The following CSDE1 variants were observed in gnomAD, a reference collection of about 807,000 sequenced individuals.
The protein encoded by CSDE1 is cold shock domain containing E1, also known as cold shock domain-containing protein E1.
Under a neutral mutation model 89.3 loss-of-function variants are expected in CSDE1, and 17 were observed. The ratio of observed to expected loss-of-function variants is 0.19; its 90% CI spans 0.13 to 0.29. The LOEUF (loss-of-function observed/expected upper bound fraction) is 0.29. Among genes scored for constraint, CSDE1 ranks in the 10% least tolerant of loss-of-function variants. The pLI is 1.00. For synonymous variants in CSDE1, 322 were observed against 332.8 expected (o/e 0.97, Z 0.35); for missense variants, 672 against 984.2 (o/e 0.68, Z 4.24).
intron 6 of CSDE1, among the ~76,000 whole-genome samples, chr1:114,736,348 T>C (rs746761140): frequency 3.3e-5 from 5 of 152,164 alleles, no homozygotes; most frequent in Admixed American, 2.6e-4. Flanking sequence ...GATTCCTACA[T>C]AGAAGAATGC....
Position 114,725,260 on chromosome 1 carries a change from T to A in CSDE1, c.1714A>T (p.Asn572Tyr), listed in dbSNP as rs911632571. ...TTCACTTTTTCTGCACTGACTTTGTTGCCTTTGCCTTTGGACAAGCTATAC... is the reference window on the plus strand; with the variant it reads ...TTCACTTTTTCTGCACTGACTTTGTAGCCTTTGCCTTTGGACAAGCTATAC... ...VEYSLSKGKG[N>Y]KVSAEKVNKT... Residue 572 changes from asparagine (N) to tyrosine (Y), a missense_variant, in exon 15 of 20, where the codon AAC (asparagine) becomes TAC (tyrosine). Asn to Tyr is a moderately radical substitution (Grantham distance 143). This residue lies in a region of CSDE1 where 206 missense variants were observed against 332.4 expected (regional missense o/e 0.62). Coordinates refer to ENST00000358528, the MANE Select transcript of CSDE1 (RefSeq NM_001007553.3). 3.7e-6 allele frequency: 6 copies of A among 1,614,098 alleles called. No homozygotes were observed. The African/African-American group carries it at 8.0e-5, about 22-fold the overall frequency.
intron 1 of CSDE1, among the ~76,000 whole-genome samples, chr1:114,754,898 A>G (rs1396954548): frequency 6.6e-6 from 1 of 152,222 alleles, no homozygotes; most frequent in Non-Finnish European, 1.5e-5. Flanking sequence ...AGCAGGACAA[A>G]TGGCAGTGTG....
intron 8 of CSDE1, 49 bp downstream of exon 8, chr1:114,733,940 C>T: frequency 1.9e-6 from 3 of 1,607,034 alleles, no homozygotes; most frequent in Non-Finnish European, 2.5e-6. Context: ...AAAACATAAA[C>T]CAACTCTGAT....
chr1:114,725,785 A>AC (rs1659758216), intron 14 of CSDE1, among the ~76,000 whole-genome samples: 1 of 152,236 alleles, frequency 6.6e-6, no homozygotes, highest in African/African-American at 2.4e-5. Flanking sequence ...ACAGGTATGC[A>AC]CCACCATGTC....
rs1214571899 is a variant in CSDE1 at position 114,734,124 on chromosome 1, C to T, written c.583-7G>A. On this transcript the variant is annotated splice_polypyrimidine_tract_variant and splice_region_variant and intron_variant, in intron 7 of 19. Coordinates refer to ENST00000358528, the MANE Select transcript of CSDE1 (RefSeq NM_001007553.3). ...CAATAAAGCCAAATGCCTCCTGAAG[C>T]AAAATAAAAAACCAAGAACATTATT... The T allele has an allele frequency of 6.3e-7, 1 of 1,599,914 alleles. No homozygotes were observed. Among genetic ancestry groups the T allele is most frequent in the Non-Finnish European group, 8.5e-7 (1 of 1,176,828 alleles).
At chr1:114,720,052 T>C (rs189056231) in intron 17 of CSDE1, among the ~76,000 whole-genome samples, 104 of 152,356 alleles carry the variant, frequency 6.8e-4, no homozygotes, top group African/African-American at 2.5e-3. Context: ...GGATCCCCTC[T>C]AGAATTAAGC....
At chr1:114,720,505 G>A in intron 17 of CSDE1, 34 bp downstream of exon 17, 1 of 1,567,324 alleles carries the variant, frequency 6.4e-7, no homozygotes, top group South Asian at 1.2e-5. Context: ...CTCATAGAAG[G>A]ATCAAATTCA....
intron 2 of CSDE1, among the ~76,000 whole-genome samples, 184 bp downstream of exon 2, chr1:114,749,637 G>A (rs1173285678): frequency 6.6e-6 from 1 of 152,184 alleles, no homozygotes; most frequent in African/African-American, 2.4e-5. Context: ...TATGAAAAAT[G>A]TTTGACCATA....
At chr1:114,734,291 C>T in intron 7 of CSDE1, 151 bp downstream of exon 7, 2 of 1,047,106 alleles carry the variant, frequency 1.9e-6, no homozygotes, top group Middle Eastern at 2.4e-4. Flanking sequence ...TATTAGCAAC[C>T]AAGGAATTTT....
chr1:114,734,753 T>G (rs1660300248), intron 6 of CSDE1, among the ~76,000 whole-genome samples: 1 of 152,222 alleles, frequency 6.6e-6, no homozygotes, highest in Non-Finnish European at 1.5e-5. Context: ...TAGGTCATCT[T>G]TCTCTGGGAC....
At chr1:114,728,263 ATG>A (rs1246230548) in intron 12 of CSDE1, among the ~76,000 whole-genome samples, 1 of 152,198 alleles carries the variant, frequency 6.6e-6, no homozygotes, top group Admixed American at 6.5e-5. Context: ...GTTAAGAACA[ATG>A]TCAGTGAACT....
chr1:114,741,057 C>T (rs540072045), intron 2 of CSDE1, among the ~76,000 whole-genome samples: 55 of 152,338 alleles, frequency 3.6e-4, no homozygotes, highest in African/African-American at 1.3e-3. Flanking sequence ...TTCTTCTACA[C>T]TAGCCACTGT....
intron 8 of CSDE1, 35 bp from the exon 9 acceptor site, chr1:114,733,892 A>G: frequency 6.2e-7 from 1 of 1,609,892 alleles, no homozygotes; most frequent in South Asian, 1.1e-5. Context: ...GTGGGGGGAC[A>G]GAGGAAGGAA....
intron 2 of CSDE1, among the ~76,000 whole-genome samples, chr1:114,749,245 T>C (rs572644829): frequency 7.1e-4 from 108 of 152,330 alleles, no homozygotes; most frequent in Middle Eastern, 3.4e-3. Flanking sequence ...TAGCCTATAT[T>C]GTGATATTGT....
chr1:114,729,255 T>A (rs762910363), intron 12 of CSDE1, among the ~76,000 whole-genome samples: 18 of 151,862 alleles, frequency 1.2e-4, no homozygotes, highest in Non-Finnish European at 2.5e-4. Flanking sequence ...CCCACTACTA[T>A]GCCCGGCTAA....
rs375197857 is a variant in CSDE1 at position 114,727,148 on chromosome 1, A to G, written c.1357-58T>C. 29 of 1,184,960 alleles carry G rather than the reference A, an allele frequency of 2.4e-5. No individual in the cohort carries two copies. In the African/African-American group the frequency reaches 3.8e-4, roughly 15 times the overall value. 73.4% of individuals were successfully genotyped at this position (1,184,960 alleles called of 1,614,324 possible). ...CAATCTCAAGAACAAAAACCAATAAAAACAACTATAGTTCTTACATATTCT... is the reference window on the plus strand; with the variant it reads ...CAATCTCAAGAACAAAAACCAATAAGAACAACTATAGTTCTTACATATTCT... On this transcript the variant is annotated intron_variant, in intron 12 of 19. Coordinates refer to ENST00000358528, the MANE Select transcript of CSDE1 (RefSeq NM_001007553.3).
Position 114,733,713 on chromosome 1 carries a change from C to G in CSDE1, c.837+19G>C. 6.2e-7 allele frequency: 1 copy of G among 1,609,634 alleles called. No individual in the cohort carries two copies. The highest frequency in any genetic ancestry group is 8.5e-7 in the Non-Finnish European group (1 of 1,178,028). On this transcript the variant is annotated intron_variant, in intron 9 of 19. Transcript: ENST00000358528. ...TACTACTGAGGCGAAATAGGACTCTCCTGAAAAAGATTATTTACCTGGTTT... is the reference window on the plus strand; with the variant it reads ...TACTACTGAGGCGAAATAGGACTCTGCTGAAAAAGATTATTTACCTGGTTT...
chr1:114,756,886 A>C (rs2101104984), intron 1 of CSDE1: 1 of 152,358 alleles, frequency 6.6e-6, no homozygotes, highest in East Asian at 1.9e-4. Context: ...TCTAAGGGAA[A>C]ACCTTAAAGC....
chr1:114,727,226 A>G (rs1313406378), intron 12 of CSDE1, 136 bp from the exon 13 acceptor site: 5 of 598,324 alleles, frequency 8.4e-6, no homozygotes, highest in African/African-American at 7.5e-5. Flanking sequence ...GCATTTTCTA[A>G]AAGATTATTC....
Sources: gnomAD v4.1 joint callset for allele counts (sites outside exome capture counted in the v4.1 genomes callset) on GRCh38, gnomAD v4.1.1 for gene constraint, gnomAD v4.1.1 regional missense constraint, MANE v1.5 for transcripts, NCBI Gene and HGNC (gene_info 2026-07-23, HGNC 2026-07-21) for gene names.